The following DNAJC1 variants were observed in gnomAD, a reference collection of about 807,000 sequenced individuals.
The protein encoded by DNAJC1 is dnaJ homolog subfamily C member 1.
DNAJC1 carries 58 observed loss-of-function variants against 76.6 expected under a neutral mutation model. The observed-to-expected ratio is 0.76, with a 90% CI of 0.61 to 0.94. DNAJC1 has a LOEUF of 0.94. Among genes scored for constraint, DNAJC1 ranks in the 40% least tolerant of loss-of-function variants. The pLI is 0.00. For synonymous variants in DNAJC1, 258 were observed against 267.9 expected (o/e 0.96, Z 0.36); for missense variants, 689 against 677.3 (o/e 1.02, Z -0.19).
chr10:21,944,094 A>T (rs1445899440), intron 1 of DNAJC1, among the ~76,000 whole-genome samples: 1 of 152,104 alleles, frequency 6.6e-6, no homozygotes, highest in Non-Finnish European at 1.5e-5. Context: ...AGCTTTCAAC[A>T]CTATGCAAAA....
chr10:21,935,724 A>C (rs556586944), intron 1 of DNAJC1, among the ~76,000 whole-genome samples: 14 of 152,258 alleles, frequency 9.2e-5, no homozygotes, highest in African/African-American at 3.4e-4. Flanking sequence ...GAAAGCAGCA[A>C]AAGAAGCAAC....
At chr10:21,838,354 G>A (rs764517341) in intron 8 of DNAJC1, among the ~76,000 whole-genome samples, 1 of 152,080 alleles carries the variant, frequency 6.6e-6, no homozygotes, top group East Asian at 1.9e-4. Flanking sequence ...AACATGTGCT[G>A]TGTCCACTCA....
intron 8 of DNAJC1, among the ~76,000 whole-genome samples, chr10:21,807,726 T>C (rs1466556914): frequency 6.6e-6 from 1 of 152,192 alleles, no homozygotes; most frequent in Non-Finnish European, 1.5e-5. Context: ...GCCTCAAACA[T>C]ATTCATCAGT....
chr10:21,769,537 A>G lies in DNAJC1; in HGVS notation c.1099-3228T>C, dbSNP rs376037428. On this transcript the variant is annotated intron_variant, in intron 9 of 11. Transcript: ENST00000376980. ...TATAACATAACCACCTTTTAAATCC[A>G]AATCTTTCATTTTATAGAAGAAGAA... 3.3e-5 allele frequency among the ~76,000 whole-genome samples: 5 copies of G among 152,306 alleles called. No homozygotes were observed. The South Asian group carries it at 1.0e-3, about 32-fold the overall frequency.
chr10:21,846,158 A>G (rs1050702979), intron 8 of DNAJC1, among the ~76,000 whole-genome samples: 1 of 152,238 alleles, frequency 6.6e-6, no homozygotes, highest in Non-Finnish European at 1.5e-5. Flanking sequence ...TATCTCACAT[A>G]GTTGATGTAA....
intron 9 of DNAJC1, among the ~76,000 whole-genome samples, chr10:21,780,079 GA>G (rs1834507211): frequency 6.6e-6 from 1 of 152,202 alleles, no homozygotes; most frequent in Non-Finnish European, 1.5e-5. Context: ...AAGCCTCCAA[GA>G]AATATGGGAC....
intron 5 of DNAJC1, among the ~76,000 whole-genome samples, 181 bp from the exon 6 acceptor site, chr10:21,919,053 T>C (rs1836998719): frequency 6.6e-6 from 1 of 151,980 alleles, no homozygotes; most frequent in Non-Finnish European, 1.5e-5. Flanking sequence ...TGAAATACAG[T>C]AGTCACAACA....
chr10:21,935,660 A>G (rs1187466993), intron 1 of DNAJC1, among the ~76,000 whole-genome samples: 1 of 152,120 alleles, frequency 6.6e-6, no homozygotes, highest in East Asian at 1.9e-4. Flanking sequence ...GGAGAAAACT[A>G]AAGAGATCCA....
intron 1 of DNAJC1, among the ~76,000 whole-genome samples, chr10:21,999,416 A>G (rs989269684): frequency 5.7e-4 from 79 of 139,284 alleles, no homozygotes; most frequent in African/African-American, 1.9e-3. Context: ...TTCCTGCTCT[A>G]TCTTCTTTGT....
chr10:21,886,783 T>C (rs149902935), intron 7 of DNAJC1, among the ~76,000 whole-genome samples: 1 of 151,828 alleles, frequency 6.6e-6, no homozygotes, highest in East Asian at 1.9e-4. Context: ...CCCCTTTATG[T>C]TAAAAAAAAC....
intron 8 of DNAJC1, among the ~76,000 whole-genome samples, chr10:21,837,157 C>T (rs1248489134): frequency 6.6e-6 from 1 of 152,246 alleles, no homozygotes; most frequent in African/African-American, 2.4e-5. Flanking sequence ...GAGTGATCTG[C>T]CAGCCTCGGC....
intron 3 of DNAJC1, among the ~76,000 whole-genome samples, chr10:21,923,020 T>C (rs571332895): frequency 6.6e-6 from 1 of 152,104 alleles, no homozygotes; most frequent in East Asian, 1.9e-4. Context: ...TTTATCACCA[T>C]CATAACTGAA....
At chr10:21,999,863 T>A (rs1838489679) in intron 1 of DNAJC1, among the ~76,000 whole-genome samples, 1 of 152,168 alleles carries the variant, frequency 6.6e-6, no homozygotes, top group South Asian at 2.1e-4. Context: ...GGCTTCAAGT[T>A]ACTCTCTAAG....
chr10:21,889,552 C>A (rs7900576), intron 7 of DNAJC1, among the ~76,000 whole-genome samples: 1,965 of 152,150 alleles, frequency 0.013, 39 homozygotes, highest in African/African-American at 0.044. Flanking sequence ...ATTATATATA[C>A]AACAAACACA....
At chr10:21,892,411 C>T (rs1483633479) in intron 7 of DNAJC1, among the ~76,000 whole-genome samples, 1 of 148,374 alleles carries the variant, frequency 6.7e-6, no homozygotes, top group African/African-American at 2.5e-5. Flanking sequence ...CATATATATG[C>T]TATTTATAAC....
chr10:21,898,050 A>G (rs1265371274), intron 7 of DNAJC1, among the ~76,000 whole-genome samples: 1 of 152,212 alleles, frequency 6.6e-6, no homozygotes, highest in Admixed American at 6.5e-5. Flanking sequence ...GCATTCAAAA[A>G]TCAATTGAAT....
At chr10:21,843,985 G>C (rs1203555531) in intron 8 of DNAJC1, among the ~76,000 whole-genome samples, 1 of 152,054 alleles carries the variant, frequency 6.6e-6, no homozygotes, top group Non-Finnish European at 1.5e-5. Context: ...TGTTCTCATG[G>C]TAGTGAGTAA....
intron 8 of DNAJC1, among the ~76,000 whole-genome samples, chr10:21,832,132 A>G (rs1483400130): frequency 2.0e-5 from 3 of 152,224 alleles, no homozygotes; most frequent in African/African-American, 7.2e-5. Flanking sequence ...AAATACATGT[A>G]AATTCTCACA....
At chr10:21,762,403 C>T (rs1464013908) in intron 10 of DNAJC1, among the ~76,000 whole-genome samples, 4 of 152,172 alleles carry the variant, frequency 2.6e-5, no homozygotes, top group Admixed American at 6.5e-5. Flanking sequence ...AAAGGTCTGG[C>T]TCCAAATTTG....
Sources: gnomAD v4.1 joint callset for allele counts (sites outside exome capture counted in the v4.1 genomes callset) on GRCh38, gnomAD v4.1.1 for gene constraint, MANE v1.5 for transcripts, NCBI Gene and HGNC (gene_info 2026-07-23, HGNC 2026-07-21) for gene names.